TAFA2: variants seen among roughly 807,000 people sequenced by gnomAD.
TAFA2 encodes the protein TAFA chemokine like family member 2.
Under a neutral mutation model 18.8 loss-of-function variants are expected in TAFA2, and 7 were observed. The observed-to-expected ratio is 0.37, with a 90% CI of 0.21 to 0.70. The LOEUF (loss-of-function observed/expected upper bound fraction) is 0.70. Among genes scored for constraint, TAFA2 ranks in the 30% least tolerant of loss-of-function variants. The pLI is 0.53. For synonymous variants in TAFA2, 60 were observed against 54.2 expected (o/e 1.11, Z -0.47); for missense variants, 122 against 158.1 (o/e 0.77, Z 1.23).
chr12:62,039,612 C>T (rs899206771), intron 1 of TAFA2, among the ~76,000 whole-genome samples: 4 of 152,160 alleles, frequency 2.6e-5, no homozygotes, highest in Non-Finnish European at 5.9e-5. Flanking sequence ...GTTACATCAC[C>T]TCAATATCAA....
chr12:61,834,958 T>C (rs1414271620), intron 2 of TAFA2, among the ~76,000 whole-genome samples: 2 of 152,008 alleles, frequency 1.3e-5, no homozygotes, highest in Non-Finnish European at 2.9e-5. Flanking sequence ...TGTTCTTTTT[T>C]CTGTCATTTT....
chr12:61,903,988 A>G (rs1391734321), intron 1 of TAFA2, among the ~76,000 whole-genome samples: 2 of 152,154 alleles, frequency 1.3e-5, no homozygotes, highest in African/African-American at 4.8e-5. Flanking sequence ...TCTTTTCAAG[A>G]TCTATCATCT....
At chr12:61,880,722 A>C in intron 1 of TAFA2, 1 of 368,498 alleles carries the variant, frequency 2.7e-6, no homozygotes, top group Non-Finnish European at 5.4e-6. Flanking sequence ...GAAGATCGAG[A>C]CCCGCGATGG....
At chr12:62,244,047 C>A (rs1166020723) in intron 1 of TAFA2, among the ~76,000 whole-genome samples, 3 of 150,652 alleles carry the variant, frequency 2.0e-5, no homozygotes, top group Non-Finnish European at 2.9e-5. Context: ...GCCTTGACTT[C>A]CCAAAGTGTT....
intron 2 of TAFA2, among the ~76,000 whole-genome samples, chr12:61,766,443 C>T (rs894344276): frequency 1.3e-4 from 20 of 152,132 alleles, no homozygotes; most frequent in African/African-American, 4.8e-4. Context: ...GATTCCTTGC[C>T]CTCTTTTAAT....
chr12:61,767,988 G>A (rs1869861604), intron 2 of TAFA2, among the ~76,000 whole-genome samples: 1 of 152,086 alleles, frequency 6.6e-6, no homozygotes, highest in African/African-American at 2.4e-5. Flanking sequence ...CAGTAAAAAT[G>A]TATTAGGAGA....
intron 1 of TAFA2, among the ~76,000 whole-genome samples, chr12:62,097,973 T>C (rs1869021549): frequency 6.6e-6 from 1 of 152,146 alleles, no homozygotes; most frequent in Non-Finnish European, 1.5e-5. Flanking sequence ...CATTCCACTA[T>C]ATTAAAAAGA....
intron 1 of TAFA2, among the ~76,000 whole-genome samples, chr12:62,094,295 G>A (rs1868848544): frequency 6.6e-6 from 1 of 151,964 alleles, no homozygotes; most frequent in Non-Finnish European, 1.5e-5. Flanking sequence ...GGATGAAAAG[G>A]CCTAAGAATG....
At chr12:61,931,471 T>G (rs1877551609) in intron 1 of TAFA2, among the ~76,000 whole-genome samples, 1 of 152,238 alleles carries the variant, frequency 6.6e-6, no homozygotes, top group South Asian at 2.1e-4. Context: ...TTTTAATGTC[T>G]TTCTGTAATA....
chr12:61,848,815 G>A (rs1333458010), intron 2 of TAFA2, among the ~76,000 whole-genome samples: 1 of 148,920 alleles, frequency 6.7e-6, no homozygotes, highest in Non-Finnish European at 1.5e-5. Context: ...ACATTGGTAA[G>A]ATATTACTTT....
intron 1 of TAFA2, among the ~76,000 whole-genome samples, chr12:62,218,532 G>T (rs945567159): frequency 3.3e-5 from 5 of 152,068 alleles, no homozygotes; most frequent in Non-Finnish European, 7.4e-5. Flanking sequence ...AACCCAACCC[G>T]TACTGTGTTT....
chr12:62,147,344 A>ATATGTGTG, intron 1 of TAFA2, among the ~76,000 whole-genome samples: 2 of 79,014 alleles, frequency 2.5e-5, no homozygotes, highest in Non-Finnish European at 2.9e-5. Flanking sequence ...ATATATATAT[A>ATATGTGTG]TATATATATA....
chr12:62,201,414 A>T (rs1301175959), intron 1 of TAFA2, among the ~76,000 whole-genome samples: 1 of 152,224 alleles, frequency 6.6e-6, no homozygotes, highest in African/African-American at 2.4e-5. Context: ...ATGTTCCATC[A>T]ATACCTAGTA....
intron 1 of TAFA2, among the ~76,000 whole-genome samples, chr12:62,106,295 C>CT (rs576129611): frequency 6.6e-6 from 1 of 152,116 alleles, no homozygotes; most frequent in South Asian, 2.1e-4. Flanking sequence ...GATCATGCCA[C>CT]TGCACTCCAG....
chr12:62,059,118 A>T (rs968609924), intron 1 of TAFA2, among the ~76,000 whole-genome samples: 1 of 68,474 alleles, frequency 1.5e-5, no homozygotes, highest in Non-Finnish European at 3.3e-5. Context: ...AAATAATAAT[A>T]ATATATATAT....
At chr12:62,094,617 G>A (rs1272991296) in intron 1 of TAFA2, among the ~76,000 whole-genome samples, 2 of 151,838 alleles carry the variant, frequency 1.3e-5, no homozygotes, top group African/African-American at 2.4e-5. Flanking sequence ...TTACAGATTT[G>A]TTTATTTATT....
In TAFA2 at chr12:62,021,668, G is replaced by A. The variant is rs1034452377; in HGVS notation, c.-1-154242C>T. ...GCAGTATCTCATCTTTGGGTTCCACGATGCTCACGTGGTCAGGCAGGGGCT... is the reference window on the plus strand; with the variant it reads ...GCAGTATCTCATCTTTGGGTTCCACAATGCTCACGTGGTCAGGCAGGGGCT... On this transcript the variant is annotated intron_variant, in intron 1 of 4. Transcript: ENST00000416284. 9.5e-6 allele frequency: 13 copies of A among 1,365,594 alleles called. No homozygotes were observed. In the African/African-American group the frequency reaches 1.0e-4, roughly 11 times the overall value. The allele number at this position is 1,365,594 out of a possible 1,614,324, so 84.6% of individuals were successfully genotyped here.
intron 1 of TAFA2, among the ~76,000 whole-genome samples, chr12:62,124,068 G>T (rs1870342710): frequency 6.6e-6 from 1 of 152,052 alleles, no homozygotes; most frequent in African/African-American, 2.4e-5. Flanking sequence ...CAAGACAAGT[G>T]GTTTTTAAAC....
chr12:61,814,844 G>A (rs1872012570), intron 2 of TAFA2, among the ~76,000 whole-genome samples: 1 of 151,426 alleles, frequency 6.6e-6, no homozygotes, highest in Non-Finnish European at 1.5e-5. Flanking sequence ...TGGCTTTGAA[G>A]ATGAAGGGTG....
Sources: gnomAD v4.1 joint callset for allele counts (sites outside exome capture counted in the v4.1 genomes callset) on GRCh38, gnomAD v4.1.1 for gene constraint, MANE v1.5 for transcripts, NCBI Gene and HGNC (gene_info 2026-07-23, HGNC 2026-07-21) for gene names.